LRP1B: variants seen among roughly 807,000 people sequenced by gnomAD.
The protein encoded by LRP1B is low-density lipoprotein receptor-related protein 1B.
Under a neutral mutation model 556.6 loss-of-function variants are expected in LRP1B, and 217 were observed. That is an observed-to-expected ratio of 0.39 (90% confidence interval 0.35 to 0.44). LRP1B has a LOEUF of 0.44. Among genes scored for constraint, LRP1B ranks in the 20% least tolerant of loss-of-function variants. The probability of loss-of-function intolerance (pLI) is 1.00; values close to 1 mark genes in which losing one functional copy is unlikely to be tolerated. For synonymous variants in LRP1B, 2,047 were observed against 1,865.8 expected, an observed-to-expected ratio of 1.10 and a Z score of -2.50; for missense variants, 5,053 against 5,620.8, an observed-to-expected ratio of 0.90 and a Z score of 3.23.
intron 1 of LRP1B, among the ~76,000 whole-genome samples, chr2:141,995,305 TTC>T (rs1220055195): frequency 6.6e-6 from 1 of 152,144 alleles, no homozygotes; most frequent in Non-Finnish European, 1.5e-5. Flanking sequence ...AGCTGCCAAC[TTC>T]TGTTTTCTTA....
chr2:141,660,494 G>C (rs76106485), intron 2 of LRP1B, among the ~76,000 whole-genome samples: 2 of 152,044 alleles, frequency 1.3e-5, no homozygotes, highest in Non-Finnish European at 2.9e-5. Context: ...CGCTGGTGCC[G>C]CGGAAACTGG....
At chr2:140,561,292 C>A (rs1391974203) in intron 43 of LRP1B, among the ~76,000 whole-genome samples, 1 of 152,138 alleles carries the variant, frequency 6.6e-6, no homozygotes, top group Non-Finnish European at 1.5e-5. Flanking sequence ...CTGCCCCATA[C>A]CGACACACAG....
intron 7 of LRP1B, among the ~76,000 whole-genome samples, chr2:141,151,375 A>G (rs957754615): frequency 6.6e-5 from 10 of 152,160 alleles, no homozygotes; most frequent in African/African-American, 1.9e-4. Context: ...CATATCTAAT[A>G]CCCAAGAAAG....
chr2:141,963,326 T>C (rs1176204103), intron 1 of LRP1B, among the ~76,000 whole-genome samples: 1 of 152,022 alleles, frequency 6.6e-6, no homozygotes, highest in South Asian at 2.1e-4. Context: ...TAATATTGCC[T>C]GAGAATAATC....
chr2:141,013,660 C>A lies in LRP1B; in HGVS notation c.2276G>T (p.Gly759Val), dbSNP rs2105385648. The change falls in exon 14 of 91, where the codon GGT becomes GTT. Residue 759 changes from glycine to valine, a missense_variant. Physicochemically the swap from Gly to Val is moderately radical, Grantham distance 109. Around this residue, in one of 5 missense-constraint regions of LRP1B, gnomAD observed 3,619 missense variants for 3,931.9 expected, o/e 0.92. Coordinates refer to ENST00000389484, the MANE Select transcript of LRP1B (RefSeq NM_018557.3). Reference sequence around the variant, plus strand: ...TATCAAATCTAGTTGAAAAATGGAACCATTCATATAATCAGTCCAGAACAC... The same window carrying A: ...TATCAAATCTAGTTGAAAAATGGAAACATTCATATAATCAGTCCAGAACAC... The part of the protein sequence containing the change: ...NYVFWTDYMN[G>V]SIFQLDLITS... The A allele has an allele frequency of 6.2e-7, 1 of 1,612,056 alleles. No homozygotes were observed. Among genetic ancestry groups the A allele is most frequent in the South Asian group, 1.1e-5 (1 of 90,938 alleles).
chr2:140,619,287 T>C (rs1683369346), intron 41 of LRP1B, among the ~76,000 whole-genome samples: 1 of 152,184 alleles, frequency 6.6e-6, no homozygotes, highest in South Asian at 2.1e-4. Flanking sequence ...TTGTATTTCC[T>C]AAGTTTTTCT....
chr2:141,465,662 A>C, intron 3 of LRP1B, among the ~76,000 whole-genome samples: 1 of 147,490 alleles, frequency 6.8e-6, no homozygotes, highest in African/African-American at 2.5e-5. Flanking sequence ...CCATCCTCCC[A>C]CCTCAGCCCC....
intron 1 of LRP1B, among the ~76,000 whole-genome samples, chr2:142,021,499 C>T (rs1284842250): frequency 6.6e-6 from 1 of 152,094 alleles, no homozygotes; most frequent in East Asian, 1.9e-4. Flanking sequence ...TGCTAATAAA[C>T]TGTGTATTTG....
At chr2:141,208,703 T>TA (rs888983367) in intron 6 of LRP1B, among the ~76,000 whole-genome samples, 22 of 151,122 alleles carry the variant, frequency 1.5e-4, no homozygotes, top group South Asian at 4.2e-4. Flanking sequence ...CCGTCTCTAT[T>TA]AAAAAAATAC....
chr2:140,840,811 A>C, intron 30 of LRP1B, 107 bp downstream of exon 30: 1 of 762,488 alleles, frequency 1.3e-6, no homozygotes, highest in Non-Finnish European at 2.0e-6. Context: ...TTTAACTCTT[A>C]TGGCTGTTAT....
chr2:141,166,975 A>G (rs561900090), intron 7 of LRP1B, among the ~76,000 whole-genome samples: 2 of 152,010 alleles, frequency 1.3e-5, no homozygotes, highest in South Asian at 2.1e-4. Context: ...TGGAACCTCT[A>G]TACTTCAGAA....
chr2:141,144,539 CTAGT>C (rs1413677560), intron 7 of LRP1B, among the ~76,000 whole-genome samples: 3 of 152,138 alleles, frequency 2.0e-5, no homozygotes, highest in Non-Finnish European at 4.4e-5. Context: ...TTAAATCTCT[CTAGT>C]TACAGTTAAA....
intron 1 of LRP1B, among the ~76,000 whole-genome samples, chr2:141,833,712 A>G (rs1352869204): frequency 6.6e-6 from 1 of 151,746 alleles, no homozygotes; most frequent in Non-Finnish European, 1.5e-5. Flanking sequence ...CCAGCTCCTA[A>G]CTCACAAAAA....
chr2:140,311,425 CAG>C (rs1444021199), intron 83 of LRP1B, among the ~76,000 whole-genome samples: 1 of 151,760 alleles, frequency 6.6e-6, no homozygotes, highest in Non-Finnish European at 1.5e-5. Context: ...CAAAACATCT[CAG>C]AAAGTCTATT....
chr2:140,289,194 C>T (rs1354210114), intron 84 of LRP1B, among the ~76,000 whole-genome samples: 2 of 152,016 alleles, frequency 1.3e-5, no homozygotes, highest in African/African-American at 4.8e-5. Context: ...AAACATGCTG[C>T]TGAAATTTCA....
intron 5 of LRP1B, among the ~76,000 whole-genome samples, chr2:141,236,832 G>A (rs1683662650): frequency 6.6e-6 from 1 of 152,162 alleles, no homozygotes. Context: ...ACTGGAAGCA[G>A]AGGTCATTGG....
chr2:140,398,074 T>G (rs1293297952), intron 66 of LRP1B, among the ~76,000 whole-genome samples: 1 of 152,172 alleles, frequency 6.6e-6, no homozygotes, highest in African/African-American at 2.4e-5. Context: ...TGTAATCATA[T>G]CAATCAATAA....
chr2:140,943,684 A>G (rs952213415), intron 20 of LRP1B, among the ~76,000 whole-genome samples: 1 of 152,128 alleles, frequency 6.6e-6, no homozygotes, highest in African/African-American at 2.4e-5. Flanking sequence ...GTAAACAACA[A>G]AGTGAAGGCA....
intron 66 of LRP1B, among the ~76,000 whole-genome samples, chr2:140,415,725 A>C (rs1222477304): frequency 6.6e-6 from 1 of 152,178 alleles, no homozygotes; most frequent in Admixed American, 6.5e-5. Context: ...GAACAGGAGC[A>C]GACATCCTGC....
Sources: allele counts gnomAD v4.1 joint callset (sites outside exome capture counted in the v4.1 genomes callset), GRCh38; gene constraint gnomAD v4.1.1; regional missense constraint gnomAD v4.1.1; transcripts MANE v1.5; gene names NCBI Gene and HGNC (gene_info 2026-07-23, HGNC 2026-07-21).